The following PLPBP variants were observed in gnomAD, a reference collection of about 807,000 sequenced individuals.
PLPBP encodes pyridoxal phosphate homeostasis protein.
In PLPBP, 21 loss-of-function variants were observed where a neutral mutation model predicts 31.2. The ratio of observed to expected loss-of-function variants is 0.67; its 90% CI spans 0.48 to 0.97. PLPBP has a LOEUF of 0.97. PLPBP is among the 50% of genes least tolerant of loss of function. The pLI is 0.00. For missense variants in PLPBP, 308 were observed against 354.4 expected, an observed-to-expected ratio of 0.87 and a Z score of 1.05; for synonymous variants, 124 against 135.6, an observed-to-expected ratio of 0.91 and a Z score of 0.59.
In PLPBP at chr8:37,778,451, G is replaced by C. The variant is rs1803975379; in HGVS notation, c.*347G>C. 1 of 160,506 alleles carries C rather than the reference G, an allele frequency of 6.2e-6. No individual in the cohort carries two copies. The highest frequency in any genetic ancestry group is 1.4e-5 in the Non-Finnish European group (1 of 73,168). The allele number at this position is 160,506 out of a possible 1,614,324, so 9.9% of individuals were successfully genotyped here. A position where few individuals can be genotyped will look rare whatever the true frequency, so the allele number is the denominator to read the frequency against. ...TGCCTATAATCGTGGAAGTCAGAGGGATTCCCCTTTTTCATCTCATTTTAA... is the reference window on the plus strand; with the variant it reads ...TGCCTATAATCGTGGAAGTCAGAGGCATTCCCCTTTTTCATCTCATTTTAA... On this transcript the variant is annotated 3_prime_UTR_variant, in exon 8 of 8. Coordinates refer to ENST00000328195, the MANE Select transcript of PLPBP (RefSeq NM_007198.4).
Position 37,779,285 on chromosome 8 carries a change from A to T in PLPBP, c.*1181A>T, listed in dbSNP as rs1804001531. 1 of 152,052 alleles carries T rather than the reference A, an allele frequency of 6.6e-6. No homozygotes were observed. The highest frequency in any genetic ancestry group is 6.5e-5 in the Admixed American group (1 of 15,268). The allele number at this position is 152,052 out of a possible 1,614,324, so 9.4% of individuals were successfully genotyped here. A position where few individuals can be genotyped will look rare whatever the true frequency, so the allele number is the denominator to read the frequency against. Reference sequence around the variant, plus strand: ...TTTAAATCAAAACCCAGTGAATCTCATTACTCCTAAGAAACGAAAGATTCC... The same window carrying T: ...TTTAAATCAAAACCCAGTGAATCTCTTTACTCCTAAGAAACGAAAGATTCC... On this transcript the variant is annotated 3_prime_UTR_variant, in exon 8 of 8. Coordinates refer to ENST00000328195, the MANE Select transcript of PLPBP (RefSeq NM_007198.4).
intron 6 of PLPBP, among the ~76,000 whole-genome samples, 188 bp from the exon 7 acceptor site, chr8:37,775,730 C>G (rs1803884673): frequency 6.6e-6 from 1 of 152,200 alleles, no homozygotes; most frequent in Non-Finnish European, 1.5e-5. Flanking sequence ...TTCTTCCTCT[C>G]CAGTGACTAA....
In PLPBP at chr8:37,779,051, T is replaced by C. The variant is rs565023414; in HGVS notation, c.*947T>C. ...CCCCCCAACTTTTTTAGAGACAGCC[T>C]GTCTCTTAAAAAAAAAATTAATTTG... On this transcript the variant is annotated 3_prime_UTR_variant, in exon 8 of 8. Coordinates refer to ENST00000328195, the MANE Select transcript of PLPBP (RefSeq NM_007198.4). The C allele has an allele frequency of 6.6e-6, 1 of 152,238 alleles. No individual in the cohort carries two copies. The highest frequency in any genetic ancestry group is 6.5e-5 in the Admixed American group (1 of 15,290). The allele number at this position is 152,238 out of a possible 1,614,324, so 9.4% of individuals were successfully genotyped here.
chr8:37,762,662 G>GT lies in PLPBP; in HGVS notation c.4dup (p.Trp2LeufsTer87). On this transcript the variant is annotated frameshift_variant, in exon 1 of 8. Transcript: ENST00000328195. LOFTEE classifies it high-confidence loss of function. ...GGCTCGGCGTCGGTCCCCGGGGGAT[G>GT]TGGAGAGCTGGCAGCATGTCGGCCG... 1 of 1,579,994 alleles carries GT rather than the reference G, an allele frequency of 6.3e-7. No individual in the cohort carries two copies.
intron 5 of PLPBP, chr8:37,774,852 A>T (rs983307835): frequency 6.5e-6 from 1 of 154,096 alleles, no homozygotes; most frequent in Admixed American, 6.4e-5. Flanking sequence ...CTTGCTGCAG[A>T]TTTCTCTTCC....
rs777815255 is a variant in PLPBP, at chr8:37,776,015, C to T, written c.695C>T (p.Ala232Val). The change falls in exon 7 of 8, where the codon GCG (alanine) becomes GTG (valine). Residue 232 changes from alanine (A) to valine (V), a missense_variant and splice_region_variant. Coordinates refer to ENST00000328195, the MANE Select transcript of PLPBP (RefSeq NM_007198.4). The stretch of plus-strand genomic sequence containing the variant: ...GGCATGTCCGCGGATTTCCAGCATG[C>T]GGTGAGTGTCCTGCCAGTGCCCTGT... ...SMGMSADFQH[A>V]VEVGSTNVRI... The T allele has an allele frequency of 2.3e-5, 37 of 1,612,206 alleles. No homozygotes were observed. The highest frequency in any genetic ancestry group is 6.7e-5 in the East Asian group (3 of 44,850).
At chr8:37,768,263 AGG>A (rs1011628506) in intron 4 of PLPBP, among the ~76,000 whole-genome samples, 83 of 152,186 alleles carry the variant, frequency 5.5e-4, no homozygotes, top group African/African-American at 1.9e-3. Flanking sequence ...CAATAACAGA[AGG>A]GGATAAACAG....
At chr8:37,777,711 T>C (rs1377108526) in intron 7 of PLPBP, among the ~76,000 whole-genome samples, 1 of 152,178 alleles carries the variant, frequency 6.6e-6, no homozygotes, top group Non-Finnish European at 1.5e-5. Context: ...GTAGCTGGGA[T>C]TACAGGCATG....
chr8:37,778,012 AT>A lies in PLPBP; in HGVS notation c.741del (p.Phe247LeufsTer19). ...TACAAATGTCCGAATAGGAAGCACGATTTTTGGAGAGCGGGATTACTCAAAG... is the reference window on the plus strand; with the variant it reads ...TACAAATGTCCGAATAGGAAGCACGATTTTGGAGAGCGGGATTACTCAAAG... ...GSTNVRIGST[I>X]FGERDYSKKP... On this transcript the variant is annotated frameshift_variant, in exon 8 of 8. Coordinates refer to ENST00000328195, the MANE Select transcript of PLPBP (RefSeq NM_007198.4). LOFTEE classifies it low-confidence loss of function (END_TRUNC). 1 of 1,613,708 alleles carries A rather than the reference AT, an allele frequency of 6.2e-7. No homozygotes were observed. The highest frequency in any genetic ancestry group is 8.5e-7 in the Non-Finnish European group (1 of 1,179,694).
In PLPBP at chr8:37,762,769, A is replaced by G. The variant is rs1464844830; in HGVS notation, c.99+11A>G. 2.1e-5 allele frequency: 33 copies of G among 1,551,102 alleles called. No homozygotes were observed. The highest frequency in any genetic ancestry group is 2.9e-5 in the Non-Finnish European group (33 of 1,155,500). Reference sequence around the variant, plus strand: ...GCGCGGCGGCCGCGGGTGAGGAAGGAGGCTGCGTGGGGACGGTGGGCGGCC... The same window carrying G: ...GCGCGGCGGCCGCGGGTGAGGAAGGGGGCTGCGTGGGGACGGTGGGCGGCC... On this transcript the variant is annotated intron_variant, in intron 1 of 7. Coordinates refer to ENST00000328195, the MANE Select transcript of PLPBP (RefSeq NM_007198.4).
chr8:37,762,748 G>C lies in PLPBP; in HGVS notation c.89G>C (p.Arg30Pro). Residue 30 changes from arginine (R) to proline (P), a missense_variant, in exon 1 of 8, where the codon CGG becomes CCG. This residue lies in a region of PLPBP where 120 missense variants were observed against 95.1 expected (regional missense o/e 1.26). Transcript: ENST00000328195. ...GAGCGCGTGCAGCAGGCTGTGGCGC[G>C]GCGGCCGCGGGTGAGGAAGGAGGCT... is the stretch of plus-strand genomic sequence containing the variant. ...VNERVQQAVA[R>P]RPRDLPAIQP... 6.4e-7 allele frequency: 1 copy of C among 1,566,070 alleles called. No individual in the cohort carries two copies. The highest frequency in any genetic ancestry group is 8.6e-7 in the Non-Finnish European group (1 of 1,162,642).
intron 1 of PLPBP, among the ~76,000 whole-genome samples, chr8:37,765,175 T>C (rs1249295933): frequency 2.0e-5 from 3 of 151,950 alleles, no homozygotes; most frequent in Admixed American, 2.0e-4. Flanking sequence ...TGAAACTCTG[T>C]CTCAAAAAAA....
intron 5 of PLPBP, among the ~76,000 whole-genome samples, chr8:37,773,862 C>T (rs990516078): frequency 1.3e-5 from 2 of 152,072 alleles, no homozygotes; most frequent in African/African-American, 2.4e-5. Context: ...TATATAAATA[C>T]TCTTAGATCT....
In PLPBP at chr8:37,779,058, TAAAAA is replaced by T. The variant is rs199594861; in HGVS notation, c.*960_*964del. The T allele has an allele frequency of 6.7e-6, 1 of 150,224 alleles. No homozygotes were observed. Among genetic ancestry groups the T allele is most frequent in the Non-Finnish European group, 1.5e-5 (1 of 67,436 alleles). 9.3% of individuals were successfully genotyped at this position (150,224 alleles called of 1,614,324 possible). On this transcript the variant is annotated 3_prime_UTR_variant, in exon 8 of 8. Transcript: ENST00000328195. ...ACTTTTTTAGAGACAGCCTGTCTCT[TAAAAA>T]AAAAATTAATTTGGTAGTGAGAGCT...
intron 5 of PLPBP, among the ~76,000 whole-genome samples, chr8:37,773,494 G>C (rs1488809681): frequency 2.7e-5 from 3 of 109,352 alleles, no homozygotes; most frequent in Non-Finnish European, 5.4e-5. Flanking sequence ...TTTTGAGACA[G>C]AGCCTCACTC....
chr8:37,777,978 A>G lies in PLPBP; in HGVS notation c.702A>G (p.Glu234=). 8 of 1,611,662 alleles carry G rather than the reference A, an allele frequency of 5.0e-6. No individual in the cohort carries two copies. Among genetic ancestry groups the G allele is most frequent in the Non-Finnish European group, 5.9e-6 (7 of 1,178,248 alleles). Residue 234 remains glutamate, a synonymous_variant, in exon 8 of 8, where the codon GAA becomes GAG. Coordinates refer to ENST00000328195, the MANE Select transcript of PLPBP (RefSeq NM_007198.4). ...GMSADFQHAV[E]VGSTNVRIGS... is the part of the protein sequence containing the mutation. ...CCTTCTCTTTTTTCCCACAGGTTGA[A>G]GTAGGATCTACAAATGTCCGAATAG...
Position 37,762,678 on chromosome 8 carries a change from A to T in PLPBP, c.19A>T (p.Met7Leu). 2 of 1,587,596 alleles carry T rather than the reference A, an allele frequency of 1.3e-6. No homozygotes were observed. Among genetic ancestry groups the T allele is most frequent in the Non-Finnish European group, 1.7e-6 (2 of 1,170,682 alleles). Residue 7 changes from methionine to leucine, a missense_variant, in exon 1 of 8, where the codon ATG becomes TTG. Met to Leu is a conservative substitution (Grantham distance 15, BLOSUM62 2). Coordinates refer to ENST00000328195, the MANE Select transcript of PLPBP (RefSeq NM_007198.4). ...CCGGGGGATGTGGAGAGCTGGCAGC[A>T]TGTCGGCCGAGCTGGGAGTCGGGTG... MWRAGSMSAELGVGCAL... is the reference protein window; with the variant it reads MWRAGSLSAELGVGCAL...
At chr8:37,771,997 C>T (rs995539041) in intron 4 of PLPBP, among the ~76,000 whole-genome samples, 1 of 152,326 alleles carries the variant, frequency 6.6e-6, no homozygotes, top group African/African-American at 2.4e-5. Context: ...AAGGAAACAA[C>T]AAAGTGAAGA....
chr8:37,770,096 A>T (rs1044548787), intron 4 of PLPBP, among the ~76,000 whole-genome samples: 1 of 152,234 alleles, frequency 6.6e-6, no homozygotes, highest in African/African-American at 2.4e-5. Context: ...TGCAGTCCCT[A>T]TCAGAATACT....
Sources: gnomAD v4.1 joint callset for allele counts (sites outside exome capture counted in the v4.1 genomes callset) on GRCh38, gnomAD v4.1.1 for gene constraint, gnomAD v4.1.1 regional missense constraint, MANE v1.5 for transcripts, NCBI Gene and HGNC (gene_info 2026-07-23, HGNC 2026-07-21) for gene names.